The following PARD3B variants were observed in gnomAD, a reference collection of about 807,000 sequenced individuals.
PARD3B encodes partitioning defective 3 homolog B.
PARD3B carries 103 observed loss-of-function variants against 130.2 expected under a neutral mutation model. The ratio of observed to expected loss-of-function variants is 0.79; its 90% CI spans 0.67 to 0.93. The LOEUF is 0.93. PARD3B is among the 40% of genes least tolerant of loss of function. The pLI, the probability that PARD3B is intolerant of heterozygous loss-of-function variation, is 0.00. For missense variants in PARD3B, 1,609 were observed against 1,499.2 expected, an observed-to-expected ratio of 1.07 and a Z score of -1.21; for synonymous variants, 583 against 553.2, an observed-to-expected ratio of 1.05 and a Z score of -0.76.
chr2:205,463,316 C>T lies in PARD3B; in HGVS notation c.3044+22644C>T, dbSNP rs10179486. On this transcript the variant is annotated intron_variant, in intron 20 of 22. Coordinates refer to ENST00000406610, the MANE Select transcript of PARD3B (RefSeq NM_001302769.2). This position sits in a 1 kb window ranked among gnomAD's most constrained non-coding sequence, Gnocchi z 4.8. ...GGGAACTCAGCTGAGGTGAGGAACA[C>T]GTCCACGAGTTTCCCCTGTGGGCAT... Among the ~76,000 whole-genome samples, 21,115 of 152,014 alleles carry T rather than the reference C, an allele frequency of 0.14. 2,588 individuals carry two copies. The highest frequency in any genetic ancestry group is 0.33 in the African/African-American group (13,843 of 41,406).
At position 205,169,513 on chromosome 2, in the gene PARD3B, C is replaced by T. The variant is rs533822977; in HGVS notation, c.1621-2698C>T. Among the ~76,000 whole-genome samples, 166 of 152,332 alleles carry T rather than the reference C, an allele frequency of 1.1e-3. 1 individual carries two copies. The highest frequency in any genetic ancestry group is 3.8e-3 in the African/African-American group (160 of 41,580). On this transcript the variant is annotated intron_variant, in intron 11 of 22. Coordinates refer to ENST00000406610, the MANE Select transcript of PARD3B (RefSeq NM_001302769.2). ...TCTGTTATCTACCTCTTCACTCTGA[C>T]GTTGTCTCATACTTCACAGAAAAGG...
chr2:205,511,978 A>G (rs1013306223), intron 21 of PARD3B, among the ~76,000 whole-genome samples: 1 of 152,164 alleles, frequency 6.6e-6, no homozygotes, highest in African/African-American at 2.4e-5. Context: ...ATTAAGTAGT[A>G]ACTAGTCTGG....
At position 204,943,178 on chromosome 2, in the gene PARD3B, A is replaced by G. The variant is rs1385703753; in HGVS notation, c.223-21974A>G. On this transcript the variant is annotated intron_variant, in intron 2 of 22. Transcript: ENST00000406610. This position sits in a 1 kb window ranked among gnomAD's most constrained non-coding sequence, Gnocchi z 4.2. ...TATGTGTGTGTGTGTATGTGTATGCATATATATATATGTGTGTGTATATAT... is the reference window on the plus strand; with the variant it reads ...TATGTGTGTGTGTGTATGTGTATGCGTATATATATATGTGTGTGTATATAT... Among the ~76,000 whole-genome samples the G allele has an allele frequency of 6.6e-6, 1 of 151,282 alleles. No homozygotes were observed.
At chr2:205,531,710 C>T (rs776201609) in intron 21 of PARD3B, among the ~76,000 whole-genome samples, 7 of 151,934 alleles carry the variant, frequency 4.6e-5, no homozygotes, top group African/African-American at 1.7e-4. Context: ...CAGACCCCTG[C>T]TGCTTATATC....
chr2:204,578,194 G>A (rs77344191), intron 1 of PARD3B, among the ~76,000 whole-genome samples: 2,956 of 152,290 alleles, frequency 0.019, 91 homozygotes, highest in African/African-American at 0.068. Flanking sequence ...TTAGTGTACA[G>A]TTCTGCAAGA....
chr2:205,178,453 A>G (rs1380925335), intron 13 of PARD3B, among the ~76,000 whole-genome samples: 1 of 152,136 alleles, frequency 6.6e-6, no homozygotes, highest in East Asian at 1.9e-4. Context: ...TCTGTTTCAA[A>G]GAAAAAAAAG....
At chr2:204,883,398 ATATATATTATATATATATAATATAT>A in intron 2 of PARD3B, among the ~76,000 whole-genome samples, 1 of 134,962 alleles carries the variant, frequency 7.4e-6, no homozygotes, top group East Asian at 2.1e-4. Context: ...GTGTATGTAT[ATATATATTATATATATATAATATAT>A]ATATATATAA....
At chr2:205,383,145 T>TAGATAGAGAGATAGATAGATAGATAG (rs1553500460) in intron 18 of PARD3B, among the ~76,000 whole-genome samples, 1 of 129,516 alleles carries the variant, frequency 7.7e-6, no homozygotes, top group Admixed American at 7.7e-5. Flanking sequence ...GATAGATCGA[T>TAGATAGAGAGATAGATAGATAGATAG]CTAAACTATG....
chr2:205,345,128 A>C (rs2105823194), intron 18 of PARD3B, among the ~76,000 whole-genome samples: 1 of 152,346 alleles, frequency 6.6e-6, no homozygotes, highest in Non-Finnish European at 1.5e-5. Context: ...CAAAAGACAG[A>C]TTAACAAGAG....
In PARD3B at chr2:205,003,093, C is replaced by T. The variant is rs1441806263; in HGVS notation, c.394+37770C>T. ...TTTTCCAGTGTGTAGAGACCACCTG[C>T]ATTCCTTGGCTCCTGGTCCCCTTCC... On this transcript the variant is annotated intron_variant, in intron 3 of 22. Transcript: ENST00000406610. Among the ~76,000 whole-genome samples the T allele has an allele frequency of 2.6e-5, 4 of 152,322 alleles. No homozygotes were observed. In the East Asian group the frequency reaches 5.8e-4, roughly 22 times the overall value.
intron 16 of PARD3B, among the ~76,000 whole-genome samples, chr2:205,249,006 G>GTTTTTTTTTTTTTTTTTTT (rs10707308): frequency 3.2e-5 from 3 of 95,102 alleles, no homozygotes; most frequent in Admixed American, 1.1e-4. Flanking sequence ...TAAAATAAGA[G>GTTTTTTTTTTTTTTTTTTT]TTTTTTTTTT....
chr2:205,575,226 G>C lies in PARD3B; in HGVS notation c.3260+21823G>C, dbSNP rs1395952628. Among the ~76,000 whole-genome samples the C allele has an allele frequency of 1.3e-5, 2 of 151,870 alleles. No homozygotes were observed. The highest frequency in any genetic ancestry group is 3.9e-4 in the East Asian group (2 of 5,186). ...TAGATACACATACACACTGTTTTTA[G>C]TGCAGTTTCAGGTTCACACCAAATT... On this transcript the variant is annotated intron_variant, in intron 22 of 22. Coordinates refer to ENST00000406610, the MANE Select transcript of PARD3B (RefSeq NM_001302769.2). The surrounding 1 kb of genome is among the most constrained non-coding windows in gnomAD (Gnocchi z 4.6).
At chr2:205,252,532 A>G (rs569751166) in intron 16 of PARD3B, among the ~76,000 whole-genome samples, 1 of 152,314 alleles carries the variant, frequency 6.6e-6, no homozygotes, top group Non-Finnish European at 1.5e-5. Context: ...CTGAAAGCAA[A>G]ATAGAAACTG....
At chr2:205,362,995 G>C (rs1024598415) in intron 18 of PARD3B, among the ~76,000 whole-genome samples, 1 of 151,424 alleles carries the variant, frequency 6.6e-6, no homozygotes, top group African/African-American at 2.4e-5. Context: ...CTTCCACCAA[G>C]TGCTGCGACT....
At chr2:205,284,215 C>T (rs2041300515) in intron 16 of PARD3B, among the ~76,000 whole-genome samples, 1 of 152,160 alleles carries the variant, frequency 6.6e-6, no homozygotes, top group Admixed American at 6.5e-5. Flanking sequence ...TCTAATTTTT[C>T]AGCTTAATTC....
chr2:204,669,549 A>C lies in PARD3B; in HGVS notation c.121-16632A>C, dbSNP rs1173249347. On this transcript the variant is annotated intron_variant, in intron 1 of 22. Transcript: ENST00000406610. The surrounding 1 kb of genome is among the most constrained non-coding windows in gnomAD (Gnocchi z 4.3). ...AACATTCTTGTTTGAATGGTTTAGTAGTTACGACATTGGCATTGTTAGGAA... is the reference window on the plus strand; with the variant it reads ...AACATTCTTGTTTGAATGGTTTAGTCGTTACGACATTGGCATTGTTAGGAA... Among the ~76,000 whole-genome samples, 2 of 152,144 alleles carry C rather than the reference A, an allele frequency of 1.3e-5. No homozygotes were observed. The highest frequency in any genetic ancestry group is 4.8e-5 in the African/African-American group (2 of 41,446).
intron 2 of PARD3B, among the ~76,000 whole-genome samples, chr2:204,737,999 T>A (rs545274841): frequency 6.6e-4 from 100 of 152,328 alleles, no homozygotes; most frequent in African/African-American, 2.3e-3. Context: ...AGTCCAGTCA[T>A]GTGATACCTC....
Position 204,859,236 on chromosome 2 carries a change from ATT to A in PARD3B, c.223-105915_223-105914del, listed in dbSNP as rs1325688562. Among the ~76,000 whole-genome samples the A allele has an allele frequency of 2.6e-5, 4 of 152,160 alleles. No homozygotes were observed. The East Asian group carries it at 7.7e-4, about 29-fold the overall frequency. On this transcript the variant is annotated intron_variant, in intron 2 of 22. Coordinates refer to ENST00000406610, the MANE Select transcript of PARD3B (RefSeq NM_001302769.2). ...ATTTTATTTAGTGGTATTCGGAAGT[ATT>A]CGACTTTAACAAGTATGTGCTGTTC...
intron 2 of PARD3B, among the ~76,000 whole-genome samples, chr2:204,868,753 G>A (rs891439632): frequency 2.6e-5 from 4 of 152,168 alleles, no homozygotes; most frequent in African/African-American, 9.7e-5. Flanking sequence ...TCAAAACTTA[G>A]AGTTTCTTAA....
Sources: gnomAD v4.1 joint callset for allele counts (sites outside exome capture counted in the v4.1 genomes callset) on GRCh38, gnomAD v4.1.1 for gene constraint, Gnocchi (gnomAD v3.1) non-coding constraint, MANE v1.5 for transcripts, NCBI Gene and HGNC (gene_info 2026-07-23, HGNC 2026-07-21) for gene names.